The following EDDM13 variants were observed in gnomAD, a reference collection of about 807,000 sequenced individuals.
The protein encoded by EDDM13 is epididymal protein 13.
Under a neutral mutation model 17.8 loss-of-function variants are expected in EDDM13, and 24 were observed. The observed-to-expected ratio is 1.35, with a 90% confidence interval of 0.98 to 1.90. The LOEUF (loss-of-function observed/expected upper bound fraction) is 1.90, where lower values mean the gene tolerates loss of function less well. EDDM13 is among the 40% of genes most tolerant of loss of function. The pLI is 0.00. For missense variants in EDDM13, 97 were observed against 100.8 expected (o/e 0.96, Z 0.16); for synonymous variants, 31 against 37.5 (o/e 0.83, Z 0.63).
intron 9 of EDDM13, among the ~76,000 whole-genome samples, chr19:56,291,344 C>T (rs2039494587): frequency 1.3e-5 from 2 of 152,182 alleles, no homozygotes; most frequent in Admixed American, 1.3e-4. Flanking sequence ...AACTGAATAC[C>T]TGGGGCTTCT....
At chr19:56,282,725 A>C (rs1481556715) in intron 4 of EDDM13, among the ~76,000 whole-genome samples, 3 of 152,218 alleles carry the variant, frequency 2.0e-5, no homozygotes, top group Non-Finnish European at 4.4e-5. Flanking sequence ...CCAGAAACTG[A>C]GCACTCTTTC....
intron 4 of EDDM13, 71 bp from the exon 5 acceptor site, chr19:56,284,127 G>A (rs8104696): frequency 0.87 from 852,026 of 983,702 alleles, 372,353 homozygotes; most frequent in Non-Finnish European, 0.89. Flanking sequence ...GTGACCTCTT[G>A]GGGACAACAT....
At chr19:56,278,453 G>A (rs961518525) in intron 2 of EDDM13, among the ~76,000 whole-genome samples, 1 of 152,166 alleles carries the variant, frequency 6.6e-6, no homozygotes, top group South Asian at 2.1e-4. Context: ...TATTTTGGTT[G>A]AAGCAAATGA....
At chr19:56,304,754 GTTTC>G (rs1383205224) in intron 13 of EDDM13, 35 bp from the exon 14 acceptor site, 3 of 984,560 alleles carry the variant, frequency 3.0e-6, no homozygotes, top group Non-Finnish European at 3.6e-6. Context: ...CACCCCAACT[GTTTC>G]TTTCTCTGTT....
intron 1 of EDDM13, among the ~76,000 whole-genome samples, chr19:56,274,216 A>C (rs569886050): frequency 6.6e-6 from 1 of 152,248 alleles, no homozygotes; most frequent in East Asian, 1.9e-4. Flanking sequence ...CACTTTGGGA[A>C]GCCAAGGCAG....
At chr19:56,284,323 G>A (rs1452972956) in intron 5 of EDDM13, 117 bp downstream of exon 5, 1 of 258,736 alleles carries the variant, frequency 3.9e-6, no homozygotes, top group East Asian at 1.8e-4. Context: ...GTGGGTTTTA[G>A]ATGATAAAAA....
intron 14 of EDDM13, among the ~76,000 whole-genome samples, chr19:56,307,884 C>G (rs1207321280): frequency 3.3e-5 from 5 of 152,236 alleles, no homozygotes; most frequent in Non-Finnish European, 4.4e-5. Flanking sequence ...CCCAAGTTTT[C>G]AGGGAACCTG....
intron 6 of EDDM13, among the ~76,000 whole-genome samples, chr19:56,287,190 C>G (rs2039189097): frequency 6.6e-6 from 1 of 152,212 alleles, no homozygotes; most frequent in South Asian, 2.1e-4. Flanking sequence ...CTCTGTTTTC[C>G]CATCAACCTG....
chr19:56,305,924 T>G (rs1042872774), intron 14 of EDDM13, among the ~76,000 whole-genome samples: 3 of 131,528 alleles, frequency 2.3e-5, no homozygotes, highest in Non-Finnish European at 4.8e-5. Context: ...GGCCCTGGGG[T>G]GGAAAGTGGC....
At chr19:56,304,043 T>C (rs938874520) in intron 13 of EDDM13, among the ~76,000 whole-genome samples, 1 of 152,124 alleles carries the variant, frequency 6.6e-6, no homozygotes, top group Non-Finnish European at 1.5e-5. Context: ...TCTAAGCTAG[T>C]GGACAGCCGC....
intron 9 of EDDM13, among the ~76,000 whole-genome samples, chr19:56,291,375 C>G (rs2039496708): frequency 6.6e-6 from 1 of 152,212 alleles, no homozygotes; most frequent in African/African-American, 2.4e-5. Context: ...ATTAATGCGT[C>G]TCTAAAGGAG....
At chr19:56,295,994 G>A (rs536436847) in intron 10 of EDDM13, 27 bp downstream of exon 10, 2 of 152,702 alleles carry the variant, frequency 1.3e-5, no homozygotes, top group African/African-American at 4.8e-5. Flanking sequence ...TGCCTGCCCC[G>A]GGACTCTGTA....
chr19:56,274,905 G>C (rs769718742), intron 1 of EDDM13: 3 of 152,078 alleles, frequency 2.0e-5, no homozygotes, highest in Non-Finnish European at 4.4e-5. Context: ...TGTCTTTCAC[G>C]ACCCTGAAAC....
intron 14 of EDDM13, among the ~76,000 whole-genome samples, chr19:56,308,483 C>T (rs2147345059): frequency 6.6e-6 from 1 of 152,168 alleles, no homozygotes; most frequent in East Asian, 1.9e-4. Flanking sequence ...ACCACCACAC[C>T]TGGCTAATTT....
At chr19:56,289,543 T>C (rs1353187803) in intron 8 of EDDM13, among the ~76,000 whole-genome samples, 2 of 152,210 alleles carry the variant, frequency 1.3e-5, no homozygotes, top group Non-Finnish European at 2.9e-5. Flanking sequence ...TTTTAGTACA[T>C]GTCCTAGAAA....
intron 14 of EDDM13, among the ~76,000 whole-genome samples, chr19:56,309,225 T>C (rs561112471): frequency 6.6e-6 from 1 of 152,224 alleles, no homozygotes; most frequent in South Asian, 2.1e-4. Flanking sequence ...GATGATGCCA[T>C]GTATATGAAA....
intron 12 of EDDM13, chr19:56,297,883 C>T (rs920841922): frequency 1.3e-5 from 2 of 152,170 alleles, no homozygotes; most frequent in African/African-American, 4.8e-5. Context: ...AGCAGCAAGC[C>T]ACCAAGTGAT....
In EDDM13 at chr19:56,289,969, T is replaced by C. The variant is rs147369592; in HGVS notation, c.227-872T>C. 4.5e-4 allele frequency among the ~76,000 whole-genome samples: 68 copies of C among 152,246 alleles called. No homozygotes were observed. In the East Asian group the frequency reaches 0.011, roughly 26 times the overall value. On this transcript the variant is annotated intron_variant, in intron 8 of 14. Transcript: ENST00000649256. ...TGTTATTTTTGCTCATTAGAAGGAG[T>C]TGAAGAAAACGAATACTGGAGAACC...
At chr19:56,273,320 G>A (rs1465550869) in intron 1 of EDDM13, among the ~76,000 whole-genome samples, 1 of 152,224 alleles carries the variant, frequency 6.6e-6, no homozygotes, top group African/African-American at 2.4e-5. Flanking sequence ...TGAGACTCCA[G>A]ACTTTTGCGA....
Sources: gnomAD v4.1 joint callset for allele counts (sites outside exome capture counted in the v4.1 genomes callset) on GRCh38, gnomAD v4.1.1 for gene constraint, MANE v1.5 for transcripts, NCBI Gene and HGNC (gene_info 2026-07-23, HGNC 2026-07-21) for gene names.